The following SYNDIG1 variants were observed in gnomAD, a reference collection of about 807,000 sequenced individuals.
The protein encoded by SYNDIG1 is synapse differentiation inducing 1.
In SYNDIG1, 9 loss-of-function variants were observed where a neutral mutation model predicts 19.4. The ratio of observed to expected loss-of-function variants is 0.46; its 90% CI spans 0.28 to 0.81. SYNDIG1 has a LOEUF of 0.81. Among genes scored for constraint, SYNDIG1 ranks in the 30% least tolerant of loss-of-function variants. The pLI, the probability that SYNDIG1 is intolerant of heterozygous loss-of-function variation, is 0.12. For synonymous variants in SYNDIG1, 141 were observed against 145.9 expected, an observed-to-expected ratio of 0.97 and a Z score of 0.24; for missense variants, 311 against 343.3, an observed-to-expected ratio of 0.91 and a Z score of 0.74.
chr20:24,520,452 T>C (rs925024781), intron 1 of SYNDIG1, among the ~76,000 whole-genome samples: 1 of 152,062 alleles, frequency 6.6e-6, no homozygotes, highest in Non-Finnish European at 1.5e-5. Flanking sequence ...TCCCAGGACT[T>C]TGGGAGGCTG....
At chr20:24,580,447 G>A (rs1169462672) in intron 2 of SYNDIG1, among the ~76,000 whole-genome samples, 2 of 152,156 alleles carry the variant, frequency 1.3e-5, no homozygotes, top group East Asian at 3.9e-4. Flanking sequence ...GCCTCACTCT[G>A]TTGCCCCGGC....
At chr20:24,487,191 C>G (rs1434183627) in intron 1 of SYNDIG1, among the ~76,000 whole-genome samples, 2 of 152,100 alleles carry the variant, frequency 1.3e-5, no homozygotes, top group African/African-American at 4.8e-5. Context: ...TTTAATTTGC[C>G]TTAAGTAAAC....
chr20:24,619,026 G>A (rs1026386043), intron 3 of SYNDIG1, among the ~76,000 whole-genome samples: 7 of 152,266 alleles, frequency 4.6e-5, no homozygotes, highest in African/African-American at 1.7e-4. Flanking sequence ...GCTCTTATAT[G>A]AGAAGACTGA....
rs544555618 is a variant in SYNDIG1 at position 24,497,975 on chromosome 20, T to C, written c.-79+28222T>C. Among the ~76,000 whole-genome samples the C allele has an allele frequency of 2.2e-4, 34 of 152,336 alleles. No individual in the cohort carries two copies. In the South Asian group the frequency reaches 3.9e-3, roughly 18 times the overall value. On this transcript the variant is annotated intron_variant, in intron 1 of 3. Coordinates refer to ENST00000376862, the MANE Select transcript of SYNDIG1 (RefSeq NM_024893.3). ...CTTACACTGGAATCTCAACACAGGC[T>C]GTCATATAGAGCAGACTTGGCCATC...
At chr20:24,500,142 C>T (rs1266198204) in intron 1 of SYNDIG1, among the ~76,000 whole-genome samples, 1 of 151,820 alleles carries the variant, frequency 6.6e-6, no homozygotes, top group Non-Finnish European at 1.5e-5. Context: ...TCGACAAAAG[C>T]ACCAGAACTT....
chr20:24,646,237 T>C (rs763639727), intron 3 of SYNDIG1, among the ~76,000 whole-genome samples: 1 of 152,154 alleles, frequency 6.6e-6, no homozygotes, highest in Non-Finnish European at 1.5e-5. Flanking sequence ...CACATTACAG[T>C]AAGCAACACT....
intron 1 of SYNDIG1, among the ~76,000 whole-genome samples, chr20:24,476,061 C>T (rs1394289434): frequency 1.3e-5 from 2 of 151,920 alleles, no homozygotes; most frequent in Non-Finnish European, 2.9e-5. Flanking sequence ...TGGTTTCACC[C>T]TGTTGGCCAG....
chr20:24,551,990 G>C (rs983279285), intron 2 of SYNDIG1, among the ~76,000 whole-genome samples: 2 of 152,224 alleles, frequency 1.3e-5, no homozygotes, highest in Admixed American at 6.5e-5. Context: ...AAGGTCGTGT[G>C]AGTTAATTCC....
chr20:24,536,427 C>G (rs1158216520), intron 1 of SYNDIG1, among the ~76,000 whole-genome samples: 1 of 152,158 alleles, frequency 6.6e-6, no homozygotes, highest in African/African-American at 2.4e-5. Context: ...TCATTGCCAC[C>G]CCATTCAGGA....
intron 2 of SYNDIG1, among the ~76,000 whole-genome samples, chr20:24,554,495 T>G (rs943839537): frequency 1.3e-5 from 2 of 152,216 alleles, no homozygotes; most frequent in African/African-American, 4.8e-5. Context: ...ACCTAATTTA[T>G]TGAGTGTTTT....
At chr20:24,555,407 T>A (rs1309888174) in intron 2 of SYNDIG1, among the ~76,000 whole-genome samples, 1 of 152,330 alleles carries the variant, frequency 6.6e-6, no homozygotes, top group African/African-American at 2.4e-5. Context: ...AGGGTGTCAA[T>A]TTTGGATCTT....
rs116848042 is a variant in SYNDIG1 at position 24,576,913 on chromosome 20, C to T, written c.481-7943C>T. On this transcript the variant is annotated intron_variant, in intron 2 of 3. Transcript: ENST00000376862. ...CTCTACCTGACCCATCCAAATGTAA[C>T]AACCTGCTCAGCAGACAAGCTTTTT... 3.3e-4 allele frequency among the ~76,000 whole-genome samples: 50 copies of T among 152,282 alleles called. No homozygotes were observed. The East Asian group carries it at 8.9e-3, about 27-fold the overall frequency.
chr20:24,613,982 T>C (rs1262049507), intron 3 of SYNDIG1, among the ~76,000 whole-genome samples: 1 of 152,086 alleles, frequency 6.6e-6, no homozygotes, highest in East Asian at 1.9e-4. Flanking sequence ...GCCAGCGGGG[T>C]TGGGCATCAC....
chr20:24,568,645 G>T (rs2058092652), intron 2 of SYNDIG1, among the ~76,000 whole-genome samples: 1 of 152,186 alleles, frequency 6.6e-6, no homozygotes, highest in African/African-American at 2.4e-5. Flanking sequence ...CACCTCCGTG[G>T]ATCTGTAAGC....
At position 24,557,704 on chromosome 20, in the gene SYNDIG1, A is replaced by G. The variant is rs188297652; in HGVS notation, c.480+14127A>G. ...GGAGTACCCGGCCATGTGAGGTGTC[A>G]GTCTGCCCGTACTGGGGGGTGCCTC... On this transcript the variant is annotated intron_variant, in intron 2 of 3. Transcript: ENST00000376862. Among the ~76,000 whole-genome samples, 487 of 152,258 alleles carry G rather than the reference A, an allele frequency of 3.2e-3. 4 individuals carry two copies. The highest frequency in any genetic ancestry group is 0.011 in the African/African-American group (460 of 41,536).
chr20:24,576,733 C>T (rs1029964996), intron 2 of SYNDIG1, among the ~76,000 whole-genome samples: 2 of 152,180 alleles, frequency 1.3e-5, no homozygotes, highest in South Asian at 2.1e-4. Context: ...GCTCCCCACC[C>T]TCAGCAGTGC....
chr20:24,522,078 C>CT (rs963294157), intron 1 of SYNDIG1, among the ~76,000 whole-genome samples: 1 of 151,962 alleles, frequency 6.6e-6, no homozygotes, highest in African/African-American at 2.4e-5. Flanking sequence ...CCTGTTCTAT[C>CT]TTTTTTTCTT....
chr20:24,508,039 T>C (rs1313180004), intron 1 of SYNDIG1, among the ~76,000 whole-genome samples: 2 of 146,738 alleles, frequency 1.4e-5, no homozygotes, highest in African/African-American at 2.4e-5. Flanking sequence ...AGAAGTGTTC[T>C]GGATCTCCCC....
At chr20:24,561,723 C>T (rs2057949790) in intron 2 of SYNDIG1, among the ~76,000 whole-genome samples, 1 of 152,126 alleles carries the variant, frequency 6.6e-6, no homozygotes. Flanking sequence ...ATCGGCCTGC[C>T]TCCTGACTGC....
Sources: allele counts gnomAD v4.1 joint callset (sites outside exome capture counted in the v4.1 genomes callset), GRCh38; gene constraint gnomAD v4.1.1; transcripts MANE v1.5; gene names NCBI Gene and HGNC (gene_info 2026-07-23, HGNC 2026-07-21).